The following CD53 variants were observed in gnomAD, a reference collection of about 807,000 sequenced individuals.
CD53 encodes the protein leukocyte surface antigen CD53.
Under a neutral mutation model 27.3 loss-of-function variants are expected in CD53, and 20 were observed. The observed-to-expected ratio is 0.73, with a 90% CI of 0.52 to 1.07. CD53 has a LOEUF of 1.07. CD53 is among the 50% of genes least tolerant of loss of function. The probability of loss-of-function intolerance (pLI) is 0.00; values close to 1 mark genes in which losing one functional copy is unlikely to be tolerated. For missense variants in CD53, 216 were observed against 264.0 expected (o/e 0.82, Z 1.26); for synonymous variants, 106 against 105.3 (o/e 1.01, Z -0.04).
At chr1:110,873,559 C>T (rs1019665383) in intron 1 of CD53, among the ~76,000 whole-genome samples, 3 of 152,096 alleles carry the variant, frequency 2.0e-5, no homozygotes, top group South Asian at 2.1e-4. Flanking sequence ...GCTTTCTATG[C>T]GAGATGACAT....
At chr1:110,892,627 G>A (rs1656902117) in intron 3 of CD53, 94 bp downstream of exon 3, 1 of 1,022,262 alleles carries the variant, frequency 9.8e-7, no homozygotes, top group South Asian at 1.5e-5. Context: ...TATAGGCACA[G>A]AAAGATCATA....
chr1:110,872,117 T>C (rs531524893), upstream of CD53, among the ~76,000 whole-genome samples: 368 of 152,308 alleles, frequency 2.4e-3, 1 homozygote, highest in African/African-American at 8.3e-3. Flanking sequence ...GATGAAAACA[T>C]TGGGGCCCAG....
At chr1:110,873,833 G>C (rs1011406056) in intron 1 of CD53, among the ~76,000 whole-genome samples, 1 of 152,206 alleles carries the variant, frequency 6.6e-6, no homozygotes, top group African/African-American at 2.4e-5. Context: ...ATCTCTAAAG[G>C]ATGCATAGAT....
chr1:110,897,388 A>C (rs186233087), intron 6 of CD53, among the ~76,000 whole-genome samples: 3 of 152,364 alleles, frequency 2.0e-5, no homozygotes, highest in African/African-American at 7.2e-5. Flanking sequence ...ACTGACCAGC[A>C]ACTGCCCTGG....
At chr1:110,879,002 CT>C (rs1436905112) in intron 1 of CD53, among the ~76,000 whole-genome samples, 35 of 152,000 alleles carry the variant, frequency 2.3e-4, no homozygotes, top group South Asian at 6.2e-4. Flanking sequence ...AAAACATGTG[CT>C]TTTCTTTATT....
intron 1 of CD53, among the ~76,000 whole-genome samples, chr1:110,879,862 C>T (rs564452253): frequency 3.9e-5 from 6 of 152,144 alleles, no homozygotes; most frequent in Admixed American, 3.9e-4. Context: ...GCCACCATGG[C>T]GAGCCTGATC....
At chr1:110,891,559 T>C (rs1570908837) in intron 2 of CD53, 88 bp downstream of exon 2, 3 of 968,432 alleles carry the variant, frequency 3.1e-6, no homozygotes, top group Admixed American at 1.8e-5. Flanking sequence ...TGGTGTGGGG[T>C]AAAATGCATG....
chr1:110,888,172 A>G (rs1656705323), intron 1 of CD53, among the ~76,000 whole-genome samples: 1 of 152,188 alleles, frequency 6.6e-6, no homozygotes, highest in South Asian at 2.1e-4. Flanking sequence ...AACAACCTGA[A>G]TGTATACTTC....
chr1:110,880,165 G>T (rs919020103), intron 1 of CD53: 2 of 152,132 alleles, frequency 1.3e-5, no homozygotes, highest in African/African-American at 2.4e-5. Context: ...GCATCTAAGA[G>T]TCATAGACTT....
At position 110,883,187 on chromosome 1, in the gene CD53, C is replaced by CTA. The variant is rs1284786197; in HGVS notation, c.-17-8203_-17-8202dup. Reference sequence around the variant, plus strand: ...ACCATTAAGTATGATGTTCTTAATTCTATGCCCTTCATAAATGCCTTTTAT... The same window carrying CTA: ...ACCATTAAGTATGATGTTCTTAATTCTATATGCCCTTCATAAATGCCTTTTAT... On this transcript the variant is annotated intron_variant, in intron 1 of 7. Coordinates refer to ENST00000271324, the MANE Select transcript of CD53 (RefSeq NM_000560.4). Among the ~76,000 whole-genome samples the CTA allele has an allele frequency of 3.3e-5, 5 of 151,910 alleles. No homozygotes were observed. In the East Asian group the frequency reaches 9.6e-4, roughly 29 times the overall value.
intron 1 of CD53, among the ~76,000 whole-genome samples, chr1:110,874,485 C>T (rs1340211980): frequency 6.6e-6 from 1 of 152,120 alleles, no homozygotes; most frequent in Non-Finnish European, 1.5e-5. Flanking sequence ...TCATACTATG[C>T]GTGTGCTTTG....
chr1:110,876,910 T>C (rs1570894257), intron 1 of CD53, among the ~76,000 whole-genome samples: 1 of 152,330 alleles, frequency 6.6e-6, no homozygotes, highest in East Asian at 1.9e-4. Flanking sequence ...CATTTGACAG[T>C]AATTAGTAAT....
In CD53 at chr1:110,896,676, C is replaced by T; in HGVS notation, c.447C>T (p.Gly149=). The T allele has an allele frequency of 6.2e-7, 1 of 1,613,434 alleles. No individual in the cohort carries two copies. The highest frequency in any genetic ancestry group is 8.5e-7 in the Non-Finnish European group (1 of 1,179,778). The change falls in exon 6 of 8, where the codon GGC becomes GGT. Residue 149 remains glycine (G), a synonymous_variant. Transcript: ENST00000271324. ...QSFLQCCGIN[G]TSDWTSGPPA... ...AGCTGCAGTGTTGTGGTATAAATGG[C>T]ACGAGTGATTGGACCAGTGGCCCAC...
At chr1:110,897,088 C>T (rs1657099501) in intron 6 of CD53, among the ~76,000 whole-genome samples, 2 of 152,182 alleles carry the variant, frequency 1.3e-5, no homozygotes, top group Non-Finnish European at 2.9e-5. Flanking sequence ...AAAAGTTTCT[C>T]CCTCTCCCTC....
Position 110,887,145 on chromosome 1 carries a change from G to A in CD53, c.-17-4247G>A, listed in dbSNP as rs562542037. ...GTGGCGCGATCTCGGCTCACTCCAA[G>A]CTCCGTCTCCCGGGTTCACGCCATT... On this transcript the variant is annotated intron_variant, in intron 1 of 7. Transcript: ENST00000271324. Among the ~76,000 whole-genome samples the A allele has an allele frequency of 1.7e-3, 263 of 151,964 alleles. 1 individual carries two copies. Among genetic ancestry groups the A allele is most frequent in the Non-Finnish European group, 2.9e-3 (197 of 67,952 alleles).
chr1:110,887,355 C>T (rs906892201), intron 1 of CD53, among the ~76,000 whole-genome samples: 4 of 152,166 alleles, frequency 2.6e-5, no homozygotes, highest in South Asian at 2.1e-4. Context: ...TGAGCCACCG[C>T]GCCCAGCCTA....
At chr1:110,890,570 A>G (rs552785926) in intron 1 of CD53, among the ~76,000 whole-genome samples, 7 of 122,324 alleles carry the variant, frequency 5.7e-5, no homozygotes, top group African/African-American at 1.6e-4. Flanking sequence ...CTGAAAGAAG[A>G]AAGAAAGAAA....
At chr1:110,876,487 T>C (rs767731464) in intron 1 of CD53, among the ~76,000 whole-genome samples, 3 of 152,196 alleles carry the variant, frequency 2.0e-5, no homozygotes, top group Non-Finnish European at 4.4e-5. Context: ...CCAAACCTTT[T>C]TGTTTGGCCT....
chr1:110,872,076 C>A (rs1557811294), upstream of CD53, among the ~76,000 whole-genome samples: 1 of 152,146 alleles, frequency 6.6e-6, no homozygotes, highest in African/African-American at 2.4e-5. Context: ...CAAGTCAGCA[C>A]CGCAGAGTGC....
Sources: gnomAD v4.1 joint callset for allele counts (sites outside exome capture counted in the v4.1 genomes callset) on GRCh38, gnomAD v4.1.1 for gene constraint, MANE v1.5 for transcripts, NCBI Gene and HGNC (gene_info 2026-07-23, HGNC 2026-07-21) for gene names.